The following SPOCK3 variants were observed in gnomAD, a reference collection of about 807,000 sequenced individuals.
SPOCK3 encodes testican-3.
SPOCK3 carries 30 observed loss-of-function variants against 56.6 expected under a neutral mutation model. The observed-to-expected ratio is 0.53, with a 90% CI of 0.40 to 0.72. SPOCK3 has a LOEUF of 0.72. SPOCK3 is among the 30% of genes least tolerant of loss of function. SPOCK3 has a pLI of 0.00. For synonymous variants in SPOCK3, 196 were observed against 183.3 expected (o/e 1.07, Z -0.56); for missense variants, 527 against 530.0 (o/e 0.99, Z 0.06).
intron 4 of SPOCK3, among the ~76,000 whole-genome samples, chr4:166,983,447 C>T (rs533479622): frequency 2.6e-5 from 4 of 151,932 alleles, no homozygotes; most frequent in South Asian, 2.1e-4. Context: ...CTTCTTGTTC[C>T]TTGACTTTTT....
intron 5 of SPOCK3, among the ~76,000 whole-genome samples, chr4:166,905,153 TAC>T (rs1216394512): frequency 1.3e-5 from 2 of 152,068 alleles, no homozygotes; most frequent in Admixed American, 6.6e-5. Flanking sequence ...GATATTATTA[TAC>T]AGTTATTTTA....
intron 6 of SPOCK3, among the ~76,000 whole-genome samples, chr4:166,869,606 CTG>C (rs34623275): frequency 0.05 from 7,118 of 141,746 alleles, 208 homozygotes; most frequent in African/African-American, 0.09. Flanking sequence ...CAATAGAATT[CTG>C]TGTGTGTGTG....
intron 2 of SPOCK3, among the ~76,000 whole-genome samples, chr4:167,074,203 A>G (rs1756961942): frequency 6.6e-6 from 1 of 151,912 alleles, no homozygotes; most frequent in Admixed American, 6.6e-5. Flanking sequence ...CCCCTTTTTC[A>G]GTAAAGATTT....
chr4:167,217,595 G>T (rs148125113), intron 2 of SPOCK3, among the ~76,000 whole-genome samples: 1,637 of 152,062 alleles, frequency 0.011, 25 homozygotes, highest in African/African-American at 0.031. Context: ...TGGATACTGA[G>T]AGAAGACTGT....
chr4:167,159,415 G>A (rs929416384), intron 2 of SPOCK3, among the ~76,000 whole-genome samples: 4 of 151,784 alleles, frequency 2.6e-5, no homozygotes, highest in Non-Finnish European at 5.9e-5. Context: ...TTCCTGAGAT[G>A]CCCTCCCTAT....
intron 6 of SPOCK3, among the ~76,000 whole-genome samples, chr4:166,858,221 G>T (rs1037583390): frequency 1.3e-5 from 2 of 152,092 alleles, no homozygotes; most frequent in Non-Finnish European, 2.9e-5. Flanking sequence ...GCAGCATCAG[G>T]TATAAATAAT....
chr4:166,866,507 G>A (rs1216049238), intron 6 of SPOCK3, among the ~76,000 whole-genome samples: 1 of 152,052 alleles, frequency 6.6e-6, no homozygotes, highest in African/African-American at 2.4e-5. Flanking sequence ...CTTCAGAATG[G>A]GAGAAAATGT....
intron 6 of SPOCK3, among the ~76,000 whole-genome samples, chr4:166,867,558 A>G (rs1375412284): frequency 2.6e-5 from 4 of 151,786 alleles, no homozygotes; most frequent in Non-Finnish European, 5.9e-5. Context: ...CTAATTTTGG[A>G]AAAGTTATTT....
intron 2 of SPOCK3, among the ~76,000 whole-genome samples, chr4:167,205,442 A>AAT (rs1351342706): frequency 2.2e-4 from 11 of 50,092 alleles, no homozygotes; most frequent in Non-Finnish European, 3.7e-4. Flanking sequence ...TATATAATAT[A>AAT]ATATATATTA....
At chr4:167,064,131 TAA>T (rs1259113847) in intron 2 of SPOCK3, among the ~76,000 whole-genome samples, 6 of 151,908 alleles carry the variant, frequency 3.9e-5, no homozygotes, top group African/African-American at 7.2e-5. Context: ...AATTTTAAAT[TAA>T]GTTTCAGAAG....
rs539619396 is a variant in SPOCK3, at chr4:166,898,618, C to T, written c.475-9374G>A. Among the ~76,000 whole-genome samples, 4 of 152,238 alleles carry T rather than the reference C, an allele frequency of 2.6e-5. No homozygotes were observed. In the South Asian group the frequency reaches 8.3e-4, roughly 32 times the overall value. ...TCAATGCATGCTATTCTTACTTCCA[C>T]ATCTGAATTCACATTAGGTAGTGAT... On this transcript the variant is annotated intron_variant, in intron 5 of 10. Coordinates refer to ENST00000357545, the MANE Select transcript of SPOCK3 (RefSeq NM_001040159.2).
intron 3 of SPOCK3, among the ~76,000 whole-genome samples, chr4:167,010,933 G>A (rs1354398365): frequency 6.6e-6 from 1 of 152,122 alleles, no homozygotes; most frequent in Non-Finnish European, 1.5e-5. Context: ...GGGCAATGGA[G>A]CAAATTATTA....
intron 2 of SPOCK3, among the ~76,000 whole-genome samples, chr4:167,115,134 A>T (rs996591576): frequency 1.3e-5 from 2 of 152,126 alleles, no homozygotes; most frequent in African/African-American, 2.4e-5. Context: ...GGGAGACTGA[A>T]GTTTATGAGC....
intron 4 of SPOCK3, among the ~76,000 whole-genome samples, chr4:166,937,841 GA>G (rs1435029804): frequency 6.8e-6 from 1 of 147,822 alleles, no homozygotes; most frequent in African/African-American, 2.5e-5. Context: ...TCGGCTCACT[GA>G]AAGCTCCGCC....
At chr4:167,037,524 A>G (rs554997841) in intron 3 of SPOCK3, among the ~76,000 whole-genome samples, 4 of 152,136 alleles carry the variant, frequency 2.6e-5, no homozygotes, top group Admixed American at 2.6e-4. Context: ...TTTTACAGGA[A>G]CACTGTCCAC....
chr4:166,743,918 C>T (rs534191576), intron 8 of SPOCK3, among the ~76,000 whole-genome samples: 3 of 152,128 alleles, frequency 2.0e-5, no homozygotes, highest in African/African-American at 4.8e-5. Flanking sequence ...GGGGGTCCAC[C>T]TTTGCTAAGG....
intron 8 of SPOCK3, among the ~76,000 whole-genome samples, chr4:166,747,830 A>C (rs1163637745): frequency 6.6e-6 from 1 of 152,028 alleles, no homozygotes; most frequent in Non-Finnish European, 1.5e-5. Context: ...AAGCATTCTT[A>C]TACACCAATA....
At chr4:166,921,313 CAT>C (rs1047529926) in intron 4 of SPOCK3, among the ~76,000 whole-genome samples, 21 of 150,878 alleles carry the variant, frequency 1.4e-4, no homozygotes, top group African/African-American at 4.9e-4. Flanking sequence ...TACTTTCAAA[CAT>C]GTGTTGAATT....
intron 3 of SPOCK3, among the ~76,000 whole-genome samples, chr4:167,002,587 T>C (rs1749052223): frequency 6.6e-6 from 1 of 152,188 alleles, no homozygotes; most frequent in African/African-American, 2.4e-5. Context: ...GCTTTAATAA[T>C]GAAAATAAAC....
Sources: allele counts gnomAD v4.1 joint callset (sites outside exome capture counted in the v4.1 genomes callset), GRCh38; gene constraint gnomAD v4.1.1; transcripts MANE v1.5; gene names NCBI Gene and HGNC (gene_info 2026-07-23, HGNC 2026-07-21).